SHH: variants seen among roughly 807,000 people sequenced by gnomAD.
SHH encodes sonic hedgehog signaling molecule.
SHH carries 3 observed loss-of-function variants against 16.6 expected under a neutral mutation model. The observed-to-expected ratio is 0.18, with a 90% CI of 0.08 to 0.47. The LOEUF is 0.47. Among genes scored for constraint, SHH ranks in the 20% least tolerant of loss-of-function variants. The pLI is 0.98. For synonymous variants in SHH, 351 were observed against 316.2 expected, an observed-to-expected ratio of 1.11 and a Z score of -1.17; for missense variants, 499 against 665.0, an observed-to-expected ratio of 0.75 and a Z score of 2.75.
chr7:155,800,701 A>T lies in SHH; in HGVS notation c.*2199T>A, dbSNP rs1803161031. The T allele has an allele frequency of 2.1e-6, 1 of 466,112 alleles. No homozygotes were observed. The highest frequency in any genetic ancestry group is 2.0e-5 in the African/African-American group (1 of 49,882). The allele number at this position is 466,112 out of a possible 1,614,324, so 28.9% of individuals were successfully genotyped here. ...CCAAAGAAAAGTCTTTTACAGAAAAAGGCTGAGGACTGCTCCTGAGGAGAG... is the reference window on the plus strand; with the variant it reads ...CCAAAGAAAAGTCTTTTACAGAAAATGGCTGAGGACTGCTCCTGAGGAGAG... On this transcript the variant is annotated 3_prime_UTR_variant, in exon 3 of 3. Transcript: ENST00000297261.
chr7:155,805,732 G>A (rs9333627), intron 2 of SHH, among the ~76,000 whole-genome samples: 4,183 of 152,302 alleles, frequency 0.027, 208 homozygotes, highest in African/African-American at 0.095. Flanking sequence ...AGGAACGCAG[G>A]CTCCGGGCGC....
rs1246189372 is a variant in SHH, at chr7:155,802,803, T to C, written c.*97A>G. ...TATTCTTATTCTTATTATAACTCAG[T>C]CTGGTTCGTGCGCCTTTTCCGAGTG... On this transcript the variant is annotated 3_prime_UTR_variant, in exon 3 of 3. Transcript: ENST00000297261. The C allele has an allele frequency of 8.5e-6, 6 of 704,022 alleles. No homozygotes were observed. The highest frequency in any genetic ancestry group is 1.9e-5 in the African/African-American group (1 of 52,984). The allele number at this position is 704,022 out of a possible 1,614,324, so 43.6% of individuals were successfully genotyped here.
At position 155,812,331 on chromosome 7, in the gene SHH, C is replaced by G. The variant is rs1803541583; in HGVS notation, c.-209G>C. ...GGCTGCGGGGGACTCTCCACCGCTCCCCACCCAGACAGGGGCTGGAATGGC... is the reference window on the plus strand; with the variant it reads ...GGCTGCGGGGGACTCTCCACCGCTCGCCACCCAGACAGGGGCTGGAATGGC... On this transcript the variant is annotated 5_prime_UTR_variant, in exon 1 of 3. Transcript: ENST00000297261. 3 of 608,826 alleles carry G rather than the reference C, an allele frequency of 4.9e-6. No homozygotes were observed. The highest frequency in any genetic ancestry group is 5.5e-5 in the East Asian group (2 of 36,082). The allele number at this position is 608,826 out of a possible 1,614,324, so 37.7% of individuals were successfully genotyped here. A position where few individuals can be genotyped will look rare whatever the true frequency, so the allele number is the denominator to read the frequency against.
In SHH at chr7:155,812,291, A is replaced by C; in HGVS notation, c.-169T>G. The C allele has an allele frequency of 1.5e-6, 1 of 675,696 alleles. No individual in the cohort carries two copies. The highest frequency in any genetic ancestry group is 2.6e-6 in the Non-Finnish European group (1 of 381,922). 41.9% of individuals were successfully genotyped at this position (675,696 alleles called of 1,614,324 possible). On this transcript the variant is annotated 5_prime_UTR_variant, in exon 1 of 3. Coordinates refer to ENST00000297261, the MANE Select transcript of SHH (RefSeq NM_000193.4). ...TGCCTCGCTCTTTCTCTTCCTATAT[A>C]ACCTTGCCCGCCGCGGCTGCGGGGG...
In SHH at chr7:155,807,881, C is replaced by T. The variant is rs1442826937; in HGVS notation, c.301-1324G>A. ...TCTGGAAGGATGCTCTGCTTGGAGT[C>T]TGGTTGTCGCCATGGAGGGACAGCT... On this transcript the variant is annotated intron_variant, in intron 1 of 2. Transcript: ENST00000297261. This position sits in a 1 kb window ranked among gnomAD's most constrained non-coding sequence, Gnocchi z 7.1. Among the ~76,000 whole-genome samples the T allele has an allele frequency of 6.6e-6, 1 of 151,998 alleles. No homozygotes were observed. The highest frequency in any genetic ancestry group is 2.4e-5 in the African/African-American group (1 of 41,362).
chr7:155,800,536 C>T lies in SHH; in HGVS notation c.*2364G>A. On this transcript the variant is annotated 3_prime_UTR_variant, in exon 3 of 3. Coordinates refer to ENST00000297261, the MANE Select transcript of SHH (RefSeq NM_000193.4). ...ACATTGCCAGGTCTGTCTACACAGC[C>T]AGAGGAGCTGCTGTGCCCGGTGCTT... 2.1e-6 allele frequency: 1 copy of T among 470,792 alleles called. No individual in the cohort carries two copies. Among genetic ancestry groups the T allele is most frequent in the South Asian group, 1.5e-5 (1 of 64,570 alleles). 29.2% of individuals were successfully genotyped at this position (470,792 alleles called of 1,614,324 possible).
Position 155,803,240 on chromosome 7 carries a change from G to A in SHH, c.1049C>T (p.Ala350Val). ...EAAGAYAPLT[A>V]QGTILINRVL... ...CCGGTTGATGAGAATGGTGCCCTGG[G>A]CCGTGAGCGGCGCGTAGGCGCCCGC... Residue 350 changes from alanine (A) to valine (V), a missense_variant, in exon 3 of 3, where the codon GCC becomes GTC. Around this residue, in one of 4 missense-constraint regions of SHH, gnomAD observed 299 missense variants for 301.1 expected, o/e 0.99. Coordinates refer to ENST00000297261, the MANE Select transcript of SHH (RefSeq NM_000193.4). The A allele has an allele frequency of 6.6e-7, 1 of 1,519,976 alleles. No individual in the cohort carries two copies. The highest frequency in any genetic ancestry group is 8.8e-7 in the Non-Finnish European group (1 of 1,141,412). The allele number at this position is 1,519,976 out of a possible 1,614,324, so 94.2% of individuals were successfully genotyped here.
rs1383383997 is a variant in SHH, at chr7:155,802,860, G to T, written c.*40C>A. ...TGCTTTGCGTTGCTGTTGCTGCCCC[G>T]CCCCGCCCCCTCCCGCGCCCCTCCC... On this transcript the variant is annotated 3_prime_UTR_variant, in exon 3 of 3. Coordinates refer to ENST00000297261, the MANE Select transcript of SHH (RefSeq NM_000193.4). 6.4e-6 allele frequency: 2 copies of T among 313,080 alleles called. No homozygotes were observed. Among genetic ancestry groups the T allele is most frequent in the Non-Finnish European group, 1.1e-5 (2 of 180,422 alleles). The allele number at this position is 313,080 out of a possible 1,614,324, so 19.4% of individuals were successfully genotyped here.
chr7:155,812,188 G>C lies in SHH; in HGVS notation c.-66C>G, dbSNP rs1803538514. ...GGGTCCGTGCGCGAGTGCGCGCGGC[G>C]GGTGTGTGCGTGTGCGCTCTCTCTT... On this transcript the variant is annotated 5_prime_UTR_variant, in exon 1 of 3. Transcript: ENST00000297261. The C allele has an allele frequency of 2.0e-6, 3 of 1,487,796 alleles. No individual in the cohort carries two copies. The Admixed American group carries it at 5.0e-5, about 25-fold the overall frequency. 92.2% of individuals were successfully genotyped at this position (1,487,796 alleles called of 1,614,324 possible). A position where few individuals can be genotyped will look rare whatever the true frequency, so the allele number is the denominator to read the frequency against.
chr7:155,806,889 A>G, intron 1 of SHH: 1 of 422,498 alleles, frequency 2.4e-6, no homozygotes, highest in Non-Finnish European at 4.6e-6. Flanking sequence ...CATGTTTAAG[A>G]CATCAACTAC....
At chr7:155,804,655 C>T (rs1190316073) in intron 2 of SHH, among the ~76,000 whole-genome samples, 1 of 151,822 alleles carries the variant, frequency 6.6e-6, no homozygotes, top group Admixed American at 6.6e-5. Context: ...AATGGCGGGG[C>T]CTGTTCGGAG....
At chr7:155,804,256 G>T (rs1321787804) in intron 2 of SHH, among the ~76,000 whole-genome samples, 1 of 151,734 alleles carries the variant, frequency 6.6e-6, no homozygotes, top group Non-Finnish European at 1.5e-5. Flanking sequence ...CCGCCTGCCC[G>T]CAGCACCCTG....
In SHH at chr7:155,803,412, GCCCCGAGCCCGAGGACGCCTCGGGCTC is replaced by G; in HGVS notation, c.850_876del (p.Glu284_Gly292del). ...GGCCCCAGTGCGCCCCCGGAAGGCG[GCCCCGAGCCCGAGGACGCCTCGGGCTC>G]CCCGGTGGCCGAGTCGTTGTGCGGC... On this transcript the variant is annotated inframe_deletion, in exon 3 of 3. Transcript: ENST00000297261. 6.6e-7 allele frequency: 1 copy of G among 1,523,670 alleles called. No homozygotes were observed. Among genetic ancestry groups the G allele is most frequent in the South Asian group, 1.2e-5 (1 of 82,752 alleles). The allele number at this position is 1,523,670 out of a possible 1,614,324, so 94.4% of individuals were successfully genotyped here. A position where few individuals can be genotyped will look rare whatever the true frequency, so the allele number is the denominator to read the frequency against.
At position 155,809,626 on chromosome 7, in the gene SHH, C is replaced by G. The variant is rs1318692603; in HGVS notation, c.300+2197G>C. 2.0e-5 allele frequency among the ~76,000 whole-genome samples: 3 copies of G among 152,188 alleles called. No individual in the cohort carries two copies. Among genetic ancestry groups the G allele is most frequent in the Non-Finnish European group, 4.4e-5 (3 of 68,024 alleles). Reference sequence around the variant, plus strand: ...TCCCGGCCTGGCTCTCCTCACCCAACCCCCACTTGGGCCGTCCTTCCCCCT... The same window carrying G: ...TCCCGGCCTGGCTCTCCTCACCCAAGCCCCACTTGGGCCGTCCTTCCCCCT... On this transcript the variant is annotated intron_variant, in intron 1 of 2. Transcript: ENST00000297261. This position sits in a 1 kb window ranked among gnomAD's most constrained non-coding sequence, Gnocchi z 6.1.
At position 155,802,722 on chromosome 7, in the gene SHH, A is replaced by C. The variant is rs1803215205; in HGVS notation, c.*178T>G. 1 of 424,832 alleles carries C rather than the reference A, an allele frequency of 2.4e-6. No individual in the cohort carries two copies. The highest frequency in any genetic ancestry group is 4.0e-6 in the Non-Finnish European group (1 of 250,298). The allele number at this position is 424,832 out of a possible 1,614,324, so 26.3% of individuals were successfully genotyped here. On this transcript the variant is annotated 3_prime_UTR_variant, in exon 3 of 3. Transcript: ENST00000297261. ...ATATATATCAACTAAGCACAACAAC[A>C]AAACTTCCCGGGGTCCTTGTTTCCT...
In SHH at chr7:155,807,979, C is replaced by T. The variant is rs1210195077; in HGVS notation, c.301-1422G>A. ...GAGGGTGGGGCGAGGACGCTGGCCC[C>T]ACTGCTGCGGCGCTTTAAGGGGACG... On this transcript the variant is annotated intron_variant, in intron 1 of 2. Transcript: ENST00000297261. This position sits in a 1 kb window ranked among gnomAD's most constrained non-coding sequence, Gnocchi z 7.1. Among the ~76,000 whole-genome samples, 4 of 152,074 alleles carry T rather than the reference C, an allele frequency of 2.6e-5. No homozygotes were observed. Among genetic ancestry groups the T allele is most frequent in the African/African-American group, 4.8e-5 (2 of 41,404 alleles).
At chr7:155,811,560 C>A (rs997109009) in intron 1 of SHH, among the ~76,000 whole-genome samples, 22 of 152,238 alleles carry the variant, frequency 1.4e-4, no homozygotes, top group Admixed American at 7.8e-4. Flanking sequence ...TGTAGCAAGA[C>A]TCATCAAATC....
rs1313992941 is a variant in SHH at position 155,807,653 on chromosome 7, T to A, written c.301-1096A>T. Reference sequence around the variant, plus strand: ...AAGGATGCGACAGAAAGCAGTTGAATCCACTGTGTGTGTTTGTGGGGGCAC... The same window carrying A: ...AAGGATGCGACAGAAAGCAGTTGAAACCACTGTGTGTGTTTGTGGGGGCAC... On this transcript the variant is annotated intron_variant, in intron 1 of 2. Transcript: ENST00000297261. The surrounding 1 kb of genome is among the most constrained non-coding windows in gnomAD (Gnocchi z 7.1). Among the ~76,000 whole-genome samples, 4 of 152,152 alleles carry A rather than the reference T, an allele frequency of 2.6e-5. No homozygotes were observed. The highest frequency in any genetic ancestry group is 5.9e-5 in the Non-Finnish European group (4 of 68,022).
Position 155,800,050 on chromosome 7 carries a change from A to G in SHH, c.*2850T>C. On this transcript the variant is annotated 3_prime_UTR_variant, in exon 3 of 3. Coordinates refer to ENST00000297261, the MANE Select transcript of SHH (RefSeq NM_000193.4). ...AGATAACAGTTTCAAGTACATTGTGATACACGTTTTGACAGGAATAGATAT... is the reference window on the plus strand; with the variant it reads ...AGATAACAGTTTCAAGTACATTGTGGTACACGTTTTGACAGGAATAGATAT... 2.1e-6 allele frequency: 1 copy of G among 471,626 alleles called. No individual in the cohort carries two copies. Among genetic ancestry groups the G allele is most frequent in the South Asian group, 1.5e-5 (1 of 64,570 alleles). 29.2% of individuals were successfully genotyped at this position (471,626 alleles called of 1,614,324 possible). A position where few individuals can be genotyped will look rare whatever the true frequency, so the allele number is the denominator to read the frequency against.
Sources: allele counts gnomAD v4.1 joint callset (sites outside exome capture counted in the v4.1 genomes callset), GRCh38; gene constraint gnomAD v4.1.1; regional missense constraint gnomAD v4.1.1; non-coding constraint Gnocchi (gnomAD v3.1); transcripts MANE v1.5; gene names NCBI Gene and HGNC (gene_info 2026-07-23, HGNC 2026-07-21).